DCAF6: variants seen among roughly 807,000 people sequenced by gnomAD.
DCAF6 encodes the protein DDB1 and CUL4 associated factor 6, also known as DDB1- and CUL4-associated factor 6.
In DCAF6, 54 loss-of-function variants were observed where a neutral mutation model predicts 125.1. The observed-to-expected ratio is 0.43, with a 90% CI of 0.35 to 0.54. The LOEUF (loss-of-function observed/expected upper bound fraction) is 0.54. Among genes scored for constraint, DCAF6 ranks in the 20% least tolerant of loss-of-function variants. The pLI is 0.01. For missense variants in DCAF6, 934 were observed against 1,161.7 expected (o/e 0.80, Z 2.85); for synonymous variants, 371 against 390.4 (o/e 0.95, Z 0.58).
intron 4 of DCAF6, among the ~76,000 whole-genome samples, chr1:167,975,231 A>G (rs1175831102): frequency 3.3e-5 from 5 of 152,196 alleles, no homozygotes; most frequent in Non-Finnish European, 7.3e-5. Flanking sequence ...GATGCAAGTA[A>G]TAGTACTCTA....
the DCAF6 span, among the ~76,000 whole-genome samples, chr1:167,925,219 A>G: frequency 2.6e-5 from 4 of 151,786 alleles, no homozygotes; most frequent in African/African-American, 7.3e-5. Flanking sequence ...CATTTTACAT[A>G]TTTTACTCCA....
intron 4 of DCAF6, among the ~76,000 whole-genome samples, chr1:167,979,219 A>G (rs1678721984): frequency 6.6e-6 from 1 of 152,182 alleles, no homozygotes; most frequent in Admixed American, 6.5e-5. Context: ...AAATTAAATC[A>G]AAATCCAAAA....
At chr1:168,056,794 C>T (rs999018688) in intron 17 of DCAF6, among the ~76,000 whole-genome samples, 1 of 152,192 alleles carries the variant, frequency 6.6e-6, no homozygotes, top group Non-Finnish European at 1.5e-5. Context: ...CTACAAAAAT[C>T]CCAAGTTTTA....
At position 168,034,686 on chromosome 1, in the gene DCAF6, T is replaced by C. The variant is rs778031663; in HGVS notation, c.1610-3685T>C. ...GATGTATATTCATAGTAATGCTCAA[T>C]AAATTATAGTTATTAATATGATAGC... On this transcript the variant is annotated intron_variant, in intron 12 of 21. Transcript: ENST00000367840. 2.2e-4 allele frequency among the ~76,000 whole-genome samples: 34 copies of C among 152,218 alleles called. 1 individual carries two copies. The highest frequency in any genetic ancestry group is 2.0e-4 in the Admixed American group (3 of 15,288).
the DCAF6 span, chr1:167,920,160 T>C: frequency 1.1e-6 from 1 of 930,380 alleles, no homozygotes; most frequent in South Asian, 1.6e-5. Context: ...TACTTAATAT[T>C]GAGTAAAGTA....
chr1:167,932,626 T>C (rs1670941288), upstream of DCAF6, among the ~76,000 whole-genome samples: 1 of 151,940 alleles, frequency 6.6e-6, no homozygotes, highest in African/African-American at 2.4e-5. Flanking sequence ...CTGGCCAACA[T>C]GGGGAAACCC....
chr1:167,865,620 G>A, the DCAF6 span, among the ~76,000 whole-genome samples: 1 of 152,174 alleles, frequency 6.6e-6, no homozygotes, highest in African/African-American at 2.4e-5. Flanking sequence ...GCTTTCTTTG[G>A]TCTAAAAACT....
chr1:167,886,785 A>C, the DCAF6 span, among the ~76,000 whole-genome samples: 16 of 152,252 alleles, frequency 1.1e-4, no homozygotes, highest in Non-Finnish European at 1.9e-4. Context: ...AAATTTTTAC[A>C]ATCTACCCAT....
intron 8 of DCAF6, among the ~76,000 whole-genome samples, chr1:168,003,186 C>T (rs970855446): frequency 2.6e-5 from 4 of 152,028 alleles, no homozygotes; most frequent in African/African-American, 9.7e-5. Context: ...GTAAAAGAAA[C>T]TCTGATTTCA....
chr1:168,011,407 C>T (rs886165374), intron 10 of DCAF6, among the ~76,000 whole-genome samples: 4 of 152,138 alleles, frequency 2.6e-5, no homozygotes, highest in East Asian at 1.9e-4. Context: ...TGAGCCACTG[C>T]GCCCGACCCA....
chr1:167,936,876 C>A lies in DCAF6; in HGVS notation c.-36C>A. The A allele has an allele frequency of 6.6e-7, 1 of 1,520,548 alleles. No individual in the cohort carries two copies. The highest frequency in any genetic ancestry group is 9.0e-7 in the Non-Finnish European group (1 of 1,117,140). The allele number at this position is 1,520,548 out of a possible 1,614,324, so 94.2% of individuals were successfully genotyped here. A position where few individuals can be genotyped will look rare whatever the true frequency, so the allele number is the denominator to read the frequency against. On this transcript the variant is annotated 5_prime_UTR_variant, in exon 1 of 22. Coordinates refer to ENST00000367840, the MANE Select transcript of DCAF6 (RefSeq NM_001198956.2). ...CCTCCCCCTCCTCCCCTCCCCCACG[C>A]GGTGGTCTCCCCTCCCACCCGGCTC... is the stretch of plus-strand genomic sequence containing the variant.
intron 16 of DCAF6, among the ~76,000 whole-genome samples, chr1:168,047,537 T>C (rs1689283244): frequency 6.6e-6 from 1 of 152,132 alleles, no homozygotes; most frequent in African/African-American, 2.4e-5. Context: ...CATGGTATTT[T>C]GTTTTGTAAG....
chr1:167,993,712 G>T (rs1162541899), intron 7 of DCAF6, among the ~76,000 whole-genome samples: 3 of 151,952 alleles, frequency 2.0e-5, no homozygotes, highest in Non-Finnish European at 4.4e-5. Context: ...TCACGCCATC[G>T]CACTCCAGCC....
the DCAF6 span, among the ~76,000 whole-genome samples, chr1:167,929,822 TGA>T: frequency 6.6e-6 from 1 of 152,182 alleles, no homozygotes. Flanking sequence ...TATCCCTCTG[TGA>T]AAAATAAAGT....
chr1:167,880,173 A>G, the DCAF6 span: 2 of 1,613,536 alleles, frequency 1.2e-6, no homozygotes, highest in East Asian at 4.5e-5. Context: ...TCCCACTGGC[A>G]ACACCGATGG....
chr1:168,063,552 A>G (rs370324913), intron 17 of DCAF6, 69 bp from the exon 18 acceptor site: 9 of 1,290,570 alleles, frequency 7.0e-6, no homozygotes, highest in Non-Finnish European at 9.2e-6. Flanking sequence ...CTATATTTTC[A>G]TAAGTTTCTC....
At chr1:167,924,408 G>T in the DCAF6 span, 1 of 1,082,682 alleles carries the variant, frequency 9.2e-7, no homozygotes, top group Non-Finnish European at 1.4e-6. Context: ...ATACTCTAAA[G>T]TATATCCTTC....
At chr1:168,047,261 A>G (rs1419052570) in intron 16 of DCAF6, among the ~76,000 whole-genome samples, 5 of 152,066 alleles carry the variant, frequency 3.3e-5, no homozygotes, top group Non-Finnish European at 7.4e-5. Flanking sequence ...ATCTGTCACA[A>G]AGTTGGTTCC....
At chr1:167,870,512 G>T in the DCAF6 span, 1 of 1,082,976 alleles carries the variant, frequency 9.2e-7, no homozygotes. Flanking sequence ...ATATCCTTGG[G>T]CCAGGCGCTG....
Sources: allele counts gnomAD v4.1 joint callset (sites outside exome capture counted in the v4.1 genomes callset), GRCh38; gene constraint gnomAD v4.1.1; transcripts MANE v1.5; gene names NCBI Gene and HGNC (gene_info 2026-07-23, HGNC 2026-07-21).